The following IL15RA variants were observed in gnomAD, a reference collection of about 807,000 sequenced individuals.
The protein encoded by IL15RA is interleukin 15 receptor subunit alpha, also known as interleukin-15 receptor subunit alpha.
A neutral mutation model predicts 24.2 loss-of-function variants in IL15RA; 26 were observed. That is an observed-to-expected ratio of 1.07 (90% confidence interval 0.79 to 1.49). The LOEUF (loss-of-function observed/expected upper bound fraction) is 1.49, where lower values mean the gene tolerates loss of function less well. Among genes scored for constraint, IL15RA ranks in the 40% most tolerant of loss-of-function variants. IL15RA has a pLI of 0.00. For missense variants in IL15RA, 354 were observed against 356.4 expected (o/e 0.99, Z 0.05); for synonymous variants, 166 against 157.6 (o/e 1.05, Z -0.40).
At chr10:5,956,118 G>A (rs1042025905) in intron 6 of IL15RA, among the ~76,000 whole-genome samples, 1 of 152,052 alleles carries the variant, frequency 6.6e-6, no homozygotes, top group East Asian at 1.9e-4. Context: ...GGGTTCAAGC[G>A]ATTCTCCTGC....
At position 5,961,406 on chromosome 10, in the gene IL15RA, T is replaced by TA. The variant is rs920758675; in HGVS notation, c.383-840dup. On this transcript the variant is annotated intron_variant, in intron 3 of 6. Coordinates refer to ENST00000379977, the MANE Select transcript of IL15RA (RefSeq NM_002189.4). The surrounding 1 kb of genome is among the most constrained non-coding windows in gnomAD (Gnocchi z 5.2). ...GGGACAGAGTGAGACCCCTGTCTCTTAAAAAAAAAGGTGGGGGGAAGAAAA... is the reference window on the plus strand; with the variant it reads ...GGGACAGAGTGAGACCCCTGTCTCTTAAAAAAAAAAGGTGGGGGGAAGAAAA... 2.0e-4 allele frequency among the ~76,000 whole-genome samples: 23 copies of TA among 114,336 alleles called. No homozygotes were observed. Among genetic ancestry groups the TA allele is most frequent in the East Asian group, 4.1e-4 (1 of 2,460 alleles). 75.0% of individuals were successfully genotyped at this position (114,336 alleles called of 152,430 possible).
chr10:5,957,616 G>A (rs1178032793), intron 5 of IL15RA, among the ~76,000 whole-genome samples: 4 of 140,434 alleles, frequency 2.8e-5, no homozygotes, highest in Non-Finnish European at 4.5e-5. Context: ...TTTCTGCGAC[G>A]GAATCTCACT....
chr10:5,960,453 CTTATCTCT>C lies in IL15RA; in HGVS notation c.489_496del (p.Glu164GlnfsTer3). On this transcript the variant is annotated frameshift_variant, in exon 4 of 7. Transcript: ENST00000379977. LOFTEE classifies it high-confidence loss of function. This position sits in a 1 kb window ranked among gnomAD's most constrained non-coding sequence, Gnocchi z 5.1. ...GGTGCCGTGGGAGGACTCATGACTG[CTTATCTCT>C]GTGGTTCCTGTGGAAGGTGATTTTG... 6.2e-7 allele frequency: 1 copy of C among 1,614,130 alleles called. No homozygotes were observed. Among genetic ancestry groups the C allele is most frequent in the Non-Finnish European group, 8.5e-7 (1 of 1,180,012 alleles).
At chr10:5,957,272 TTTTC>T (rs943225079) in intron 5 of IL15RA, among the ~76,000 whole-genome samples, 23 of 151,158 alleles carry the variant, frequency 1.5e-4, no homozygotes, top group African/African-American at 4.1e-4. Flanking sequence ...ACCTACAACT[TTTTC>T]TTTCTTTCTT....
At chr10:5,954,269 C>A (rs776266436) in intron 6 of IL15RA, among the ~76,000 whole-genome samples, 1 of 150,790 alleles carries the variant, frequency 6.6e-6, no homozygotes, top group African/African-American at 2.4e-5. Context: ...CAGACAACCA[C>A]GCCCAGCTAA....
At position 5,963,755 on chromosome 10, in the gene IL15RA, G is replaced by T. The variant is rs2132466961; in HGVS notation, c.370C>A (p.Pro124Thr). ...CTGACCTTCCTACCTTTTCCAGAAG[G>T]GGAGAGGCTCTCTGGCTGTGGGGTC... is the stretch of plus-strand genomic sequence containing the variant. ...GVTPQPESLS[P>T]SGKEPAASSP... Residue 124 changes from proline (P) to threonine (T), a missense_variant, in exon 3 of 7, where the codon CCT (proline) becomes ACT (threonine). Physicochemically the swap from Pro to Thr is conservative, Grantham distance 38. Transcript: ENST00000379977. The surrounding 1 kb of genome is among the most constrained non-coding windows in gnomAD (Gnocchi z 5.3). 1 of 1,518,330 alleles carries T rather than the reference G, an allele frequency of 6.6e-7. No individual in the cohort carries two copies. Among genetic ancestry groups the T allele is most frequent in the East Asian group, 2.6e-5 (1 of 38,122 alleles). The allele number at this position is 1,518,330 out of a possible 1,614,324, so 94.1% of individuals were successfully genotyped here.
rs1215755565 is a variant in IL15RA, at chr10:5,958,239, A to G, written c.616+1515T>C. ...ACCAGCAAGTGGAAACAAACATGGT[A>G]CAGAAAAGGAGAAAAGAAGCAACTG... On this transcript the variant is annotated intron_variant, in intron 5 of 6. Transcript: ENST00000379977. The surrounding 1 kb of genome is among the most constrained non-coding windows in gnomAD (Gnocchi z 4.3). 7 of 402,512 alleles carry G rather than the reference A, an allele frequency of 1.7e-5. No homozygotes were observed. Among genetic ancestry groups the G allele is most frequent in the African/African-American group, 8.8e-5 (4 of 45,636 alleles). The allele number at this position is 402,512 out of a possible 1,614,324, so 24.9% of individuals were successfully genotyped here.
rs1836972589 is a variant in IL15RA at position 5,968,398 on chromosome 10, C to T, written c.89-2059G>A. 6.6e-6 allele frequency among the ~76,000 whole-genome samples: 1 copy of T among 152,206 alleles called. No individual in the cohort carries two copies. Among genetic ancestry groups the T allele is most frequent in the Non-Finnish European group, 1.5e-5 (1 of 68,036 alleles). On this transcript the variant is annotated intron_variant, in intron 1 of 6. Coordinates refer to ENST00000379977, the MANE Select transcript of IL15RA (RefSeq NM_002189.4). The surrounding 1 kb of genome is among the most constrained non-coding windows in gnomAD (Gnocchi z 5.4). ...TCAAGATTGTTCTTTCCATTCAACT[C>T]CCATCCCAAAGCCTTCTCCTCTGTC...
Position 5,967,080 on chromosome 10 carries a change from A to G in IL15RA, c.89-741T>C, listed in dbSNP as rs1269531866. Among the ~76,000 whole-genome samples, 1 of 151,900 alleles carries G rather than the reference A, an allele frequency of 6.6e-6. No individual in the cohort carries two copies. Among genetic ancestry groups the G allele is most frequent in the African/African-American group, 2.4e-5 (1 of 41,348 alleles). Reference sequence around the variant, plus strand: ...TTCTATTCTAATAGTTTTTAACTGGATCAAATTCTCCCACCTCCATCTCAA... The same window carrying G: ...TTCTATTCTAATAGTTTTTAACTGGGTCAAATTCTCCCACCTCCATCTCAA... On this transcript the variant is annotated intron_variant, in intron 1 of 6. Coordinates refer to ENST00000379977, the MANE Select transcript of IL15RA (RefSeq NM_002189.4). The surrounding 1 kb of genome is among the most constrained non-coding windows in gnomAD (Gnocchi z 4.4).
chr10:5,956,005 G>A (rs1363195360), intron 6 of IL15RA, among the ~76,000 whole-genome samples: 1 of 152,024 alleles, frequency 6.6e-6, no homozygotes, highest in East Asian at 1.9e-4. Flanking sequence ...AATCACTATG[G>A]TGGGGCTCTT....
chr10:5,976,530 C>T (rs1838475125), intron 1 of IL15RA, among the ~76,000 whole-genome samples: 1 of 151,964 alleles, frequency 6.6e-6, no homozygotes, highest in Non-Finnish European at 1.5e-5. Context: ...TTCTGGGGGC[C>T]GGGGGTTCAT....
chr10:5,956,002 A>G (rs1161043731), intron 6 of IL15RA, among the ~76,000 whole-genome samples: 1 of 152,014 alleles, frequency 6.6e-6, no homozygotes, highest in Non-Finnish European at 1.5e-5. Context: ...TGGAATCACT[A>G]TGGTGGGGCT....
rs41294169 is a variant in IL15RA at position 5,963,279 on chromosome 10, C to A, written c.382+464G>T. Among the ~76,000 whole-genome samples the A allele has an allele frequency of 3.3e-3, 505 of 152,334 alleles. No homozygotes were observed. Among genetic ancestry groups the A allele is most frequent in the Non-Finnish European group, 5.2e-3 (352 of 68,028 alleles). On this transcript the variant is annotated intron_variant, in intron 3 of 6. Transcript: ENST00000379977. The surrounding 1 kb of genome is among the most constrained non-coding windows in gnomAD (Gnocchi z 5.3). ...CAGTGCAGCCCGCTGAGTGGACAGG[C>A]ATCTGTTCAGGCCCAACTGTGCTGC...
rs2132657277 is a variant in IL15RA, at chr10:5,971,867, C to A, written c.89-5528G>T. On this transcript the variant is annotated intron_variant, in intron 1 of 6. Coordinates refer to ENST00000379977, the MANE Select transcript of IL15RA (RefSeq NM_002189.4). This position sits in a 1 kb window ranked among gnomAD's most constrained non-coding sequence, Gnocchi z 5.5. ...TCATTAACTGAGCTTCCTGACCCACCTCTTGTGTGCCAGGTGAATTTCTCC... is the reference window on the plus strand; with the variant it reads ...TCATTAACTGAGCTTCCTGACCCACATCTTGTGTGCCAGGTGAATTTCTCC... Among the ~76,000 whole-genome samples the A allele has an allele frequency of 6.6e-6, 1 of 152,356 alleles. No homozygotes were observed. Among genetic ancestry groups the A allele is most frequent in the Non-Finnish European group, 1.5e-5 (1 of 68,034 alleles).
intron 1 of IL15RA, 185 bp downstream of exon 1, chr10:5,977,220 C>A: frequency 2.8e-6 from 1 of 362,750 alleles, no homozygotes; most frequent in Non-Finnish European, 4.9e-6. Flanking sequence ...GACCCCGGCT[C>A]CCGGCACGTG....
At chr10:5,956,207 G>A (rs1390854904) in intron 6 of IL15RA, among the ~76,000 whole-genome samples, 172 bp downstream of exon 6, 2 of 152,144 alleles carry the variant, frequency 1.3e-5, no homozygotes, top group Non-Finnish European at 2.9e-5. Flanking sequence ...TAGAGACGAG[G>A]TTCCACCACG....
rs1834993747 is a variant in IL15RA, at chr10:5,958,863, A to C, written c.616+891T>G. On this transcript the variant is annotated intron_variant, in intron 5 of 6. Transcript: ENST00000379977. The surrounding 1 kb of genome is among the most constrained non-coding windows in gnomAD (Gnocchi z 4.3). The stretch of plus-strand genomic sequence containing the variant: ...ATAATTTTTGTCCATATCAAATTAC[A>C]GTTGGGTTTTTTGTTACTTTGGAAG... Among the ~76,000 whole-genome samples, 1 of 152,182 alleles carries C rather than the reference A, an allele frequency of 6.6e-6. No individual in the cohort carries two copies. The highest frequency in any genetic ancestry group is 1.5e-5 in the Non-Finnish European group (1 of 68,018).
At chr10:5,976,703 C>T (rs1312640868) in intron 1 of IL15RA, among the ~76,000 whole-genome samples, 7 of 152,156 alleles carry the variant, frequency 4.6e-5, no homozygotes, top group African/African-American at 1.7e-4. Context: ...ATCAGAGCTC[C>T]GCGACCCGCT....
Position 5,967,173 on chromosome 10 carries a change from C to A in IL15RA, c.89-834G>T, listed in dbSNP as rs1427357790. Among the ~76,000 whole-genome samples, 2 of 19,066 alleles carry A rather than the reference C, an allele frequency of 1.0e-4. No homozygotes were observed. The highest frequency in any genetic ancestry group is 3.2e-4 in the Non-Finnish European group (2 of 6,240). The allele number at this position is 19,066 out of a possible 152,430, so 12.5% of individuals were successfully genotyped here. A position where few individuals can be genotyped will look rare whatever the true frequency, so the allele number is the denominator to read the frequency against. On this transcript the variant is annotated intron_variant, in intron 1 of 6. Transcript: ENST00000379977. The surrounding 1 kb of genome is among the most constrained non-coding windows in gnomAD (Gnocchi z 4.4). Reference sequence around the variant, plus strand: ...CAGTACTTGCAAGATCGGGCCTTGCCTTGTCTTGCCTTGCCTTACCTTGCC... The same window carrying A: ...CAGTACTTGCAAGATCGGGCCTTGCATTGTCTTGCCTTGCCTTACCTTGCC...
Sources: allele counts gnomAD v4.1 joint callset (sites outside exome capture counted in the v4.1 genomes callset), GRCh38; gene constraint gnomAD v4.1.1; non-coding constraint Gnocchi (gnomAD v3.1); transcripts MANE v1.5; gene names NCBI Gene and HGNC (gene_info 2026-07-23, HGNC 2026-07-21).